Variants in ADAMTS12 observed in about 807,000 individuals in gnomAD.
The protein encoded by ADAMTS12 is ADAM metallopeptidase with thrombospondin type 1 motif 12, also known as A disintegrin and metalloproteinase with thrombospondin motifs 12.
A neutral mutation model predicts 167.8 loss-of-function variants in ADAMTS12; 118 were observed. That is an observed-to-expected ratio of 0.70 (90% CI 0.61 to 0.82). ADAMTS12 has a LOEUF of 0.82. ADAMTS12 is among the 40% of genes least tolerant of loss of function. The pLI, the probability that ADAMTS12 is intolerant of heterozygous loss-of-function variation, is 0.00. For missense variants in ADAMTS12, 1,916 were observed against 1,998.8 expected, an observed-to-expected ratio of 0.96 and a Z score of 0.79; for synonymous variants, 704 against 716.9, an observed-to-expected ratio of 0.98 and a Z score of 0.29.
chr5:33,762,381 G>A lies in ADAMTS12; in HGVS notation c.490-10833C>T, dbSNP rs560560142. Among the ~76,000 whole-genome samples, 42 of 151,798 alleles carry A rather than the reference G, an allele frequency of 2.8e-4. 1 individual carries two copies. Among genetic ancestry groups the A allele is most frequent in the Admixed American group, 7.9e-4 (12 of 15,236 alleles). On this transcript the variant is annotated intron_variant, in intron 2 of 23. Transcript: ENST00000504830. The stretch of plus-strand genomic sequence containing the variant: ...AAGTTAGCGGGGCGTGGTGGCGGGC[G>A]CCTGCAGTCCCAGCTACTCGGGAGG...
At chr5:33,566,899 TC>T (rs907580604) in intron 19 of ADAMTS12, among the ~76,000 whole-genome samples, 2 of 152,098 alleles carry the variant, frequency 1.3e-5, no homozygotes, top group Non-Finnish European at 2.9e-5. Flanking sequence ...CTTTTCCCTT[TC>T]TGATTGACTG....
At chr5:33,741,590 C>T (rs2112372467) in intron 3 of ADAMTS12, among the ~76,000 whole-genome samples, 2 of 152,232 alleles carry the variant, frequency 1.3e-5, no homozygotes, top group South Asian at 4.1e-4. Flanking sequence ...GTGCTGAATA[C>T]CAGTAGAAGC....
chr5:33,882,306 A>C (rs192254382), intron 1 of ADAMTS12, among the ~76,000 whole-genome samples: 2 of 152,318 alleles, frequency 1.3e-5, no homozygotes, highest in East Asian at 1.9e-4. Flanking sequence ...TGCATAAAAG[A>C]AGCTGGGTTT....
At chr5:33,743,611 C>T (rs375553872) in intron 3 of ADAMTS12, among the ~76,000 whole-genome samples, 9 of 152,296 alleles carry the variant, frequency 5.9e-5, no homozygotes, top group East Asian at 5.8e-4. Flanking sequence ...ATCCTAATTA[C>T]CCGGTGTCTG....
chr5:33,708,805 G>A (rs1743287780), intron 3 of ADAMTS12, among the ~76,000 whole-genome samples: 1 of 152,072 alleles, frequency 6.6e-6, no homozygotes, highest in Non-Finnish European at 1.5e-5. Flanking sequence ...AGGGGGTAGG[G>A]GACAAGAAGA....
chr5:33,885,107 A>G (rs1407676036), intron 1 of ADAMTS12, among the ~76,000 whole-genome samples: 1 of 152,366 alleles, frequency 6.6e-6, no homozygotes, highest in East Asian at 1.9e-4. Flanking sequence ...ACAGAAACCA[A>G]CAAGTGTGAT....
At position 33,576,806 on chromosome 5, in the gene ADAMTS12, G is replaced by T. The variant is rs764759369; in HGVS notation, c.3220C>A (p.Pro1074Thr). The change falls in exon 19 of 24, where the codon CCT (proline) becomes ACT (threonine). Residue 1074 changes from proline to threonine, a missense_variant. Coordinates refer to ENST00000504830, the MANE Select transcript of ADAMTS12 (RefSeq NM_030955.4). ...ATGAGATAGCGAGAGCTCAGCTCAG[G>T]TTGGGTTGAGCTATCTTGCCACTGT... ...GKQWQDSSTQPELSSRYLIST... is the reference protein window; with the variant it reads ...GKQWQDSSTQTELSSRYLIST... 6.2e-7 allele frequency: 1 copy of T among 1,614,200 alleles called. No individual in the cohort carries two copies. The highest frequency in any genetic ancestry group is 1.1e-5 in the South Asian group (1 of 91,092).
At chr5:33,808,398 A>G (rs1172948958) in intron 2 of ADAMTS12, among the ~76,000 whole-genome samples, 1 of 152,074 alleles carries the variant, frequency 6.6e-6, no homozygotes, top group Non-Finnish European at 1.5e-5. Context: ...GGTGGAACAC[A>G]GGCATCAGTA....
chr5:33,544,792 A>G (rs879875994), intron 22 of ADAMTS12, among the ~76,000 whole-genome samples: 27 of 152,120 alleles, frequency 1.8e-4, no homozygotes, highest in African/African-American at 2.4e-4. Flanking sequence ...ATGGTGCTGG[A>G]AAAACTGGCT....
At chr5:33,834,443 T>C (rs183411284) in intron 2 of ADAMTS12, among the ~76,000 whole-genome samples, 1 of 152,302 alleles carries the variant, frequency 6.6e-6, no homozygotes, top group East Asian at 1.9e-4. Context: ...TGAAACACGT[T>C]TTTAGCATTC....
chr5:33,559,116 T>C (rs1745617860), intron 20 of ADAMTS12, among the ~76,000 whole-genome samples: 1 of 152,128 alleles, frequency 6.6e-6, no homozygotes, highest in African/African-American at 2.4e-5. Flanking sequence ...CACCTCTGGG[T>C]CCTGTCTGTC....
chr5:33,842,748 C>T (rs1748791256), intron 2 of ADAMTS12, among the ~76,000 whole-genome samples: 1 of 152,112 alleles, frequency 6.6e-6, no homozygotes, highest in South Asian at 2.1e-4. Flanking sequence ...CATAAAAGGA[C>T]AGAAGACCCC....
chr5:33,827,371 G>T (rs1748118738), intron 2 of ADAMTS12, among the ~76,000 whole-genome samples: 1 of 151,920 alleles, frequency 6.6e-6, no homozygotes, highest in Admixed American at 6.6e-5. Flanking sequence ...GCAAAGAACT[G>T]AGCTTAGAAA....
At chr5:33,847,323 T>TA (rs1175793167) in intron 2 of ADAMTS12, among the ~76,000 whole-genome samples, 1 of 152,048 alleles carries the variant, frequency 6.6e-6, no homozygotes, top group Non-Finnish European at 1.5e-5. Context: ...AGGACACTAA[T>TA]AAAAAACAGG....
intron 3 of ADAMTS12, among the ~76,000 whole-genome samples, chr5:33,749,617 A>T (rs1744906953): frequency 6.6e-6 from 1 of 152,166 alleles, no homozygotes; most frequent in African/African-American, 2.4e-5. Flanking sequence ...TATCTGGTGG[A>T]GAAATTCACA....
intron 12 of ADAMTS12, among the ~76,000 whole-genome samples, chr5:33,631,937 G>C (rs1739959377): frequency 6.6e-6 from 1 of 152,230 alleles, no homozygotes; most frequent in South Asian, 2.1e-4. Context: ...TTCTCACTGG[G>C]CTGGGCACCA....
chr5:33,719,323 T>C (rs1399372816), intron 3 of ADAMTS12, among the ~76,000 whole-genome samples: 6 of 152,096 alleles, frequency 3.9e-5, no homozygotes. Context: ...GAGGACTTTG[T>C]TTCTCCCAAG....
At chr5:33,832,975 C>A (rs1326563561) in intron 2 of ADAMTS12, among the ~76,000 whole-genome samples, 1 of 152,190 alleles carries the variant, frequency 6.6e-6, no homozygotes, top group Non-Finnish European at 1.5e-5. Context: ...TATCATCTCT[C>A]TTGTTCACAT....
intron 2 of ADAMTS12, among the ~76,000 whole-genome samples, chr5:33,825,325 T>C (rs978038978): frequency 2.6e-5 from 4 of 152,180 alleles, no homozygotes; most frequent in African/African-American, 9.6e-5. Flanking sequence ...GAACACAGAG[T>C]ACGTGCAAGT....
Sources: allele counts gnomAD v4.1 joint callset (sites outside exome capture counted in the v4.1 genomes callset), GRCh38; gene constraint gnomAD v4.1.1; transcripts MANE v1.5; gene names NCBI Gene and HGNC (gene_info 2026-07-23, HGNC 2026-07-21).